Variants in KLHL29 observed in about 807,000 individuals in gnomAD.
The protein encoded by KLHL29 is kelch like family member 29.
Under a neutral mutation model 80.4 loss-of-function variants are expected in KLHL29, and 21 were observed. The observed-to-expected ratio is 0.26, with a 90% CI of 0.19 to 0.38. The LOEUF is 0.38. Ranked by LOEUF, KLHL29 falls within the 10% of genes least tolerant of loss-of-function variation. The pLI is 1.00. For synonymous variants in KLHL29, 511 were observed against 526.8 expected, an observed-to-expected ratio of 0.97 and a Z score of 0.41; for missense variants, 867 against 1,223.9, an observed-to-expected ratio of 0.71 and a Z score of 4.35.
At chr2:23,399,649 T>A (rs988675388) in intron 1 of KLHL29, among the ~76,000 whole-genome samples, 14 of 152,212 alleles carry the variant, frequency 9.2e-5, no homozygotes, top group Non-Finnish European at 1.6e-4. Flanking sequence ...TCACTGAGTT[T>A]CAATAATTGT....
At chr2:23,465,523 C>A (rs535919366) in intron 1 of KLHL29, among the ~76,000 whole-genome samples, 1 of 152,320 alleles carries the variant, frequency 6.6e-6, no homozygotes, top group South Asian at 2.1e-4. Context: ...CAGGTGCACT[C>A]TGCACGACTC....
intron 2 of KLHL29, among the ~76,000 whole-genome samples, chr2:23,555,184 C>T (rs1395940147): frequency 6.6e-6 from 1 of 151,812 alleles, no homozygotes; most frequent in Non-Finnish European, 1.5e-5. Flanking sequence ...AGGATCCTGG[C>T]TGACCTAGCA....
Position 23,696,200 on chromosome 2 carries a change from G to T in KLHL29, c.1924+67G>T. 6.6e-7 allele frequency: 1 copy of T among 1,509,060 alleles called. No homozygotes were observed. Among genetic ancestry groups the T allele is most frequent in the Non-Finnish European group, 8.9e-7 (1 of 1,117,550 alleles). The allele number at this position is 1,509,060 out of a possible 1,614,324, so 93.5% of individuals were successfully genotyped here. ...CCCAAGGGGACTGCTCCCCACGTCA[G>T]GGCTGAGGAAGGCCATGGCCCAGAA... On this transcript the variant is annotated intron_variant, in intron 10 of 13. Coordinates refer to ENST00000486442, the MANE Select transcript of KLHL29 (RefSeq NM_052920.2). This position sits in a 1 kb window ranked among gnomAD's most constrained non-coding sequence, Gnocchi z 5.5.
intron 3 of KLHL29, among the ~76,000 whole-genome samples, chr2:23,635,220 A>T (rs980663897): frequency 6.6e-6 from 1 of 152,248 alleles, no homozygotes; most frequent in African/African-American, 2.4e-5. Flanking sequence ...TCGTGGGTAC[A>T]CAGCCTGGTG....
At chr2:23,449,548 A>T (rs1663806582) in intron 1 of KLHL29, among the ~76,000 whole-genome samples, 1 of 152,148 alleles carries the variant, frequency 6.6e-6, no homozygotes, top group Non-Finnish European at 1.5e-5. Context: ...CTCACTAAGT[A>T]GGCTGGTTTC....
At chr2:23,535,763 G>T (rs528280108) in intron 2 of KLHL29, among the ~76,000 whole-genome samples, 1 of 152,290 alleles carries the variant, frequency 6.6e-6, no homozygotes, top group African/African-American at 2.4e-5. Flanking sequence ...AGGCGGGAAA[G>T]GGGAGTTATT....
At chr2:23,704,909 G>A (rs535176170) in intron 13 of KLHL29, among the ~76,000 whole-genome samples, 1 of 152,364 alleles carries the variant, frequency 6.6e-6, no homozygotes, top group East Asian at 1.9e-4. Context: ...CCCATTGTTT[G>A]TGTAGCATAG....
At chr2:23,473,675 G>A (rs544340368) in intron 1 of KLHL29, among the ~76,000 whole-genome samples, 53 of 152,262 alleles carry the variant, frequency 3.5e-4, no homozygotes, top group African/African-American at 1.2e-3. Context: ...GGATTAACCC[G>A]ACATGAACTC....
intron 2 of KLHL29, chr2:23,524,282 G>T (rs1160187113): frequency 4.1e-6 from 1 of 243,730 alleles, no homozygotes; most frequent in South Asian, 4.9e-5. Flanking sequence ...AGGCAGGGCA[G>T]AAGAGACTAC....
intron 11 of KLHL29, among the ~76,000 whole-genome samples, chr2:23,699,052 T>C (rs1019066817): frequency 1.3e-5 from 2 of 152,218 alleles, no homozygotes; most frequent in African/African-American, 2.4e-5. Flanking sequence ...ATAAGCTACA[T>C]ATCATTTGTC....
At chr2:23,693,811 A>T (rs1342164754) in intron 8 of KLHL29, among the ~76,000 whole-genome samples, 1 of 152,180 alleles carries the variant, frequency 6.6e-6, no homozygotes, top group Non-Finnish European at 1.5e-5. Flanking sequence ...GCTCCCAGGA[A>T]CACGGACCCA....
chr2:23,528,003 C>G (rs968841674), intron 2 of KLHL29, among the ~76,000 whole-genome samples: 1 of 152,190 alleles, frequency 6.6e-6, no homozygotes, highest in African/African-American at 2.4e-5. Context: ...TTAATGGCGG[C>G]TGTGAATACA....
At position 23,708,395 on chromosome 2, in the gene KLHL29, G is replaced by A. The variant is rs1406216413; in HGVS notation, c.*1731G>A. ...GGGCAGGGCTAATGTTAGCATTGGT[G>A]TGCGTCTGCCTCCAAAGGAGGTTCT... On this transcript the variant is annotated 3_prime_UTR_variant, in exon 14 of 14. Coordinates refer to ENST00000486442, the MANE Select transcript of KLHL29 (RefSeq NM_052920.2). 1 of 152,202 alleles carries A rather than the reference G, an allele frequency of 6.6e-6. No homozygotes were observed. The highest frequency in any genetic ancestry group is 1.5e-5 in the Non-Finnish European group (1 of 68,028). 9.4% of individuals were successfully genotyped at this position (152,202 alleles called of 1,614,324 possible). A position where few individuals can be genotyped will look rare whatever the true frequency, so the allele number is the denominator to read the frequency against.
chr2:23,594,256 C>G (rs1429739328), intron 3 of KLHL29, among the ~76,000 whole-genome samples: 2 of 152,142 alleles, frequency 1.3e-5, no homozygotes, highest in Non-Finnish European at 2.9e-5. Flanking sequence ...GCAGCGATTT[C>G]ATGGTAAAGC....
chr2:23,538,060 G>A lies in KLHL29; in HGVS notation c.-45-24092G>A, dbSNP rs142436877. 4.2e-3 allele frequency among the ~76,000 whole-genome samples: 636 copies of A among 152,322 alleles called. 5 individuals are homozygous for A. Among genetic ancestry groups the A allele is most frequent in the African/African-American group, 0.015 (616 of 41,566 alleles). ...AGAACGAGGGTGGATCACTGAGCCC[G>A]TTTGGCTGGACCCCAGTTAGTATTT... On this transcript the variant is annotated intron_variant, in intron 2 of 13. Coordinates refer to ENST00000486442, the MANE Select transcript of KLHL29 (RefSeq NM_052920.2).
chr2:23,480,290 C>T (rs1664753937), intron 2 of KLHL29, among the ~76,000 whole-genome samples: 1 of 152,160 alleles, frequency 6.6e-6, no homozygotes, highest in Non-Finnish European at 1.5e-5. Flanking sequence ...AGTTCAGGAC[C>T]AGCCTGGCCA....
At chr2:23,694,931 T>C (rs561008233) in intron 8 of KLHL29, among the ~76,000 whole-genome samples, 31 of 152,268 alleles carry the variant, frequency 2.0e-4, no homozygotes, top group African/African-American at 7.5e-4. Context: ...GGTCTGAAAC[T>C]GGGTCACAGT....
intron 1 of KLHL29, among the ~76,000 whole-genome samples, chr2:23,466,797 A>G (rs1664366048): frequency 6.6e-6 from 1 of 152,214 alleles, no homozygotes; most frequent in Non-Finnish European, 1.5e-5. Context: ...TAATGCAGCA[A>G]GGAATATTTG....
chr2:23,473,081 C>G (rs569397440), intron 1 of KLHL29, among the ~76,000 whole-genome samples: 1 of 151,820 alleles, frequency 6.6e-6, no homozygotes, highest in Non-Finnish European at 1.5e-5. Flanking sequence ...TTACAGGAAT[C>G]CAGAGAGAGA....
Sources: allele counts gnomAD v4.1 joint callset (sites outside exome capture counted in the v4.1 genomes callset), GRCh38; gene constraint gnomAD v4.1.1; non-coding constraint Gnocchi (gnomAD v3.1); transcripts MANE v1.5; gene names NCBI Gene and HGNC (gene_info 2026-07-23, HGNC 2026-07-21).